The following CCR5AS variants were observed in gnomAD, a reference collection of about 807,000 sequenced individuals.
CCR5AS encodes CCR5 antisense RNA.
intron 1 of CCR5AS, among the ~76,000 whole-genome samples, chr3:46,399,422 G>T (rs540356149): frequency 6.6e-6 from 1 of 152,300 alleles, no homozygotes; most frequent in African/African-American, 2.4e-5. Context: ...TGATGAAGTA[G>T]AAACAGAGTT....
intron 2 of CCR5AS, among the ~76,000 whole-genome samples, chr3:46,379,132 T>A (rs1701790152): frequency 6.7e-6 from 1 of 150,206 alleles, no homozygotes; most frequent in South Asian, 2.1e-4. Flanking sequence ...TAACTCGTCA[T>A]CTAGCATTAG....
chr3:46,388,110 G>A (rs1701878643), intron 2 of CCR5AS, among the ~76,000 whole-genome samples: 1 of 152,166 alleles, frequency 6.6e-6, no homozygotes, highest in African/African-American at 2.4e-5. Context: ...CTTAGCTCGG[G>A]CTCAGAGGCC....
rs369351284 is a variant in CCR5AS, at chr3:46,373,433, C to A, written n.392-2016G>T. 2.5e-6 allele frequency: 4 copies of A among 1,612,176 alleles called. No individual in the cohort carries two copies. The African/African-American group carries it at 5.3e-5, about 22-fold the overall frequency. Reference sequence around the variant, plus strand: ...CTCAAAAAGAAGGTCTTCATTACACCTGCAGCTCTCATTTTCCATACAGTC... The same window carrying A: ...CTCAAAAAGAAGGTCTTCATTACACATGCAGCTCTCATTTTCCATACAGTC... On this transcript the variant is annotated intron_variant and non_coding_transcript_variant, in intron 2 of 3. Coordinates refer to ENST00000451485, the Ensembl canonical transcript of CCR5AS.
At chr3:46,397,931 T>C (rs1701975174) in intron 1 of CCR5AS, among the ~76,000 whole-genome samples, 1 of 152,292 alleles carries the variant, frequency 6.6e-6, no homozygotes, top group African/African-American at 2.4e-5. Flanking sequence ...AAAGCCCACA[T>C]GCATCAAAAA....
intron 1 of CCR5AS, among the ~76,000 whole-genome samples, chr3:46,406,612 C>T (rs907168294): frequency 4.6e-5 from 7 of 152,146 alleles, no homozygotes; most frequent in Non-Finnish European, 8.8e-5. Context: ...GTCATCACCA[C>T]GGGATTTTCC....
At chr3:46,381,154 C>A (rs17715106) in intron 2 of CCR5AS, among the ~76,000 whole-genome samples, 2 of 152,126 alleles carry the variant, frequency 1.3e-5, no homozygotes, top group Admixed American at 1.3e-4. Context: ...GGATGTCTGG[C>A]GCCCATGCTG....
chr3:46,388,963 T>C (rs1250085485), intron 2 of CCR5AS, among the ~76,000 whole-genome samples: 1 of 152,182 alleles, frequency 6.6e-6, no homozygotes, highest in South Asian at 2.1e-4. Context: ...TCCACTATGA[T>C]GGTTTGGAGG....
At position 46,377,355 on chromosome 3, in the gene CCR5AS, C is replaced by T. The variant is rs545685658; in HGVS notation, n.392-5938G>A. ...ACTCTGGGGTGAACGTACCTTCTGT[C>T]TCCACCCAGAGGTCTCTATCAAAGA... On this transcript the variant is annotated intron_variant and non_coding_transcript_variant, in intron 2 of 3. Coordinates refer to ENST00000451485, the Ensembl canonical transcript of CCR5AS. Among the ~76,000 whole-genome samples the T allele has an allele frequency of 1.5e-4, 23 of 152,280 alleles. No homozygotes were observed. The South Asian group carries it at 4.8e-3, about 32-fold the overall frequency.
intron 2 of CCR5AS, among the ~76,000 whole-genome samples, chr3:46,380,956 G>A (rs1234449974): frequency 6.6e-6 from 1 of 152,216 alleles, no homozygotes. Context: ...GGGGTGGCAT[G>A]TGCACCAGGA....
chr3:46,380,967 A>T (rs1038088848), intron 2 of CCR5AS, among the ~76,000 whole-genome samples: 1 of 152,214 alleles, frequency 6.6e-6, no homozygotes, highest in Non-Finnish European at 1.5e-5. Context: ...TGCACCAGGA[A>T]GAGTCTCAAC....
At chr3:46,376,320 T>TGA (rs1701757640) in intron 2 of CCR5AS, 1 of 152,408 alleles carries the variant, frequency 6.6e-6, no homozygotes, top group Non-Finnish European at 1.5e-5. Context: ...CATGTGTGTG[T>TGA]GATGTATACA....
chr3:46,382,778 T>A (rs557612752), intron 2 of CCR5AS, among the ~76,000 whole-genome samples: 38 of 152,322 alleles, frequency 2.5e-4, no homozygotes, highest in Admixed American at 1.3e-3. Flanking sequence ...ACAGTGTGAG[T>A]CTGGCATATT....
intron 1 of CCR5AS, among the ~76,000 whole-genome samples, chr3:46,394,853 G>A (rs1701946417): frequency 6.6e-6 from 1 of 152,220 alleles, no homozygotes; most frequent in African/African-American, 2.4e-5. Flanking sequence ...CTGGGAAGGA[G>A]AGGACAGGTG....
intron 1 of CCR5AS, among the ~76,000 whole-genome samples, chr3:46,396,166 A>G (rs755260142): frequency 6.6e-6 from 1 of 152,204 alleles, no homozygotes; most frequent in Non-Finnish European, 1.5e-5. Context: ...TACTTTGTGT[A>G]TTAATTTTTA....
chr3:46,377,334 T>A (rs1701771530), intron 2 of CCR5AS, among the ~76,000 whole-genome samples: 1 of 152,166 alleles, frequency 6.6e-6, no homozygotes, highest in African/African-American at 2.4e-5. Context: ...TCACCAACTC[T>A]GGGGTGAACG....
rs140438182 is a variant in CCR5AS, at chr3:46,397,254, C to T, written n.164-4202G>A. ...ATGACTCCCTGAATTATAGTCAGTTCCGTACCTGAATCTCCCTCTAGAATG... is the reference window on the plus strand; with the variant it reads ...ATGACTCCCTGAATTATAGTCAGTTTCGTACCTGAATCTCCCTCTAGAATG... On this transcript the variant is annotated intron_variant and non_coding_transcript_variant, in intron 1 of 3. Transcript: ENST00000451485. Among the ~76,000 whole-genome samples, 991 of 152,318 alleles carry T rather than the reference C, an allele frequency of 6.5e-3. 12 individuals are homozygous for T. Among genetic ancestry groups the T allele is most frequent in the African/African-American group, 0.023 (947 of 41,564 alleles).
At chr3:46,367,422 T>A (rs1475444711) in intron 3 of CCR5AS, among the ~76,000 whole-genome samples, 13 of 151,396 alleles carry the variant, frequency 8.6e-5, no homozygotes, top group Admixed American at 8.5e-4. Flanking sequence ...GAACAATTAA[T>A]CGAAAAGTGC....
At chr3:46,371,634 T>C (rs1029315751) in intron 2 of CCR5AS, among the ~76,000 whole-genome samples, 5 of 152,224 alleles carry the variant, frequency 3.3e-5, no homozygotes, top group African/African-American at 1.2e-4. Flanking sequence ...GCAGCTGAAC[T>C]TAAATAGACT....
intron 2 of CCR5AS, among the ~76,000 whole-genome samples, chr3:46,389,800 G>A (rs1701894611): frequency 6.6e-6 from 1 of 152,194 alleles, no homozygotes; most frequent in Admixed American, 6.5e-5. Flanking sequence ...ATCCAACAAT[G>A]CCTAAGAAGG....
Sources: gnomAD v4.1 joint callset for allele counts (sites outside exome capture counted in the v4.1 genomes callset) on GRCh38, gnomAD v4.1.1 for gene constraint, MANE v1.5 for transcripts, NCBI Gene and HGNC (gene_info 2026-07-23, HGNC 2026-07-21) for gene names.